RC3H2: variants seen among roughly 807,000 people sequenced by gnomAD.
RC3H2 encodes the protein ring finger and CCCH-type domains 2.
In RC3H2, 31 loss-of-function variants were observed where a neutral mutation model predicts 133.3. The observed-to-expected ratio is 0.23, with a 90% CI of 0.17 to 0.31. The LOEUF (loss-of-function observed/expected upper bound fraction) is 0.31, where lower values mean the gene tolerates loss of function less well. Ranked by LOEUF, RC3H2 falls within the 10% of genes least tolerant of loss-of-function variation. RC3H2 has a pLI of 1.00. For synonymous variants in RC3H2, 517 were observed against 502.2 expected, an observed-to-expected ratio of 1.03 and a Z score of -0.40; for missense variants, 1,175 against 1,437.2, an observed-to-expected ratio of 0.82 and a Z score of 2.95.
intron 2 of RC3H2, among the ~76,000 whole-genome samples, chr9:122,893,282 T>C (rs769578376): frequency 6.6e-6 from 1 of 152,064 alleles, no homozygotes; most frequent in African/African-American, 2.4e-5. Context: ...TAACTTAAGT[T>C]AGGAGTTTGA....
At chr9:122,859,554 T>C (rs1830380491) in intron 11 of RC3H2, among the ~76,000 whole-genome samples, 1 of 152,216 alleles carries the variant, frequency 6.6e-6, no homozygotes, top group South Asian at 2.1e-4. Context: ...GTTATATCAT[T>C]GATTTTTATT....
chr9:122,855,287 T>C lies in RC3H2; in HGVS notation c.2712A>G (p.Lys904=). ...GGGAAGATCTGGAAATCGCACCCCA[T>C]TTTGAGATGATGGGTCCATCACTAA... The part of the protein sequence containing the change: ...IPFSDGPIIS[K]WGAISRSSRT... The change falls in exon 15 of 21, where the codon AAA becomes AAG. Residue 904 remains lysine (K), a synonymous_variant. Transcript: ENST00000357244. 6.2e-7 allele frequency: 1 copy of C among 1,614,178 alleles called. No homozygotes were observed. Among genetic ancestry groups the C allele is most frequent in the Non-Finnish European group, 8.5e-7 (1 of 1,180,024 alleles).
intron 4 of RC3H2, among the ~76,000 whole-genome samples, chr9:122,889,491 G>A (rs978909668): frequency 9.9e-5 from 15 of 151,912 alleles, no homozygotes; most frequent in African/African-American, 3.6e-4. Context: ...AATTCTACCC[G>A]AACTGTAGTT....
chr9:122,859,390 C>T (rs1418127981), intron 11 of RC3H2, among the ~76,000 whole-genome samples: 1 of 151,408 alleles, frequency 6.6e-6, no homozygotes. Flanking sequence ...CACACCTGAC[C>T]ACAAACTACA....
At position 122,855,820 on chromosome 9, in the gene RC3H2, G is replaced by T; in HGVS notation, c.2513C>A (p.Pro838His). ...GGAGCCTATGGTGCCACAAGACCAG[G>T]GAGAATAATGGGAAAGATGATCTTC... ...FEEDHLSHYS[P>H]WSCGTIGSCI... The change falls in exon 14 of 21, where the codon CCC (proline) becomes CAC (histidine). Residue 838 changes from proline (P) to histidine (H), a missense_variant. Physicochemically the swap from Pro to His is moderately conservative, Grantham distance 77 (BLOSUM62 -2). This residue lies in a region of RC3H2 where 490 missense variants were observed against 492.8 expected (regional missense o/e 0.99). Transcript: ENST00000357244. The T allele has an allele frequency of 6.2e-7, 1 of 1,613,472 alleles. No homozygotes were observed. Among genetic ancestry groups the T allele is most frequent in the Non-Finnish European group, 8.5e-7 (1 of 1,179,674 alleles).
At chr9:122,901,293 T>C (rs1463322680) in intron 1 of RC3H2, among the ~76,000 whole-genome samples, 1 of 152,196 alleles carries the variant, frequency 6.6e-6, no homozygotes, top group African/African-American at 2.4e-5. Context: ...CTTCCCCGTT[T>C]AGAAAACTTA....
rs1175624356 is a variant in RC3H2, at chr9:122,867,995, C to A, written c.1326-2338G>T. On this transcript the variant is annotated intron_variant, in intron 9 of 20. Transcript: ENST00000357244. ...CGCCCCGTCCGGGAGGTGAGGGGCG[C>A]CTCTGCCCAGCCACCCCTACTGGGA... Among the ~76,000 whole-genome samples the A allele has an allele frequency of 1.2e-4, 11 of 92,526 alleles. 1 individual carries two copies. The highest frequency in any genetic ancestry group is 2.5e-4 in the Non-Finnish European group (11 of 43,500). 60.7% of individuals were successfully genotyped at this position (92,526 alleles called of 152,430 possible).
chr9:122,850,673 G>GTTCT (rs1198652918), intron 20 of RC3H2, among the ~76,000 whole-genome samples: 3 of 150,724 alleles, frequency 2.0e-5, no homozygotes, highest in Admixed American at 2.0e-4. Flanking sequence ...TGAACTCCTT[G>GTTCT]TGATCCACCC....
At chr9:122,870,291 C>G (rs544829615) in intron 9 of RC3H2, among the ~76,000 whole-genome samples, 2 of 151,930 alleles carry the variant, frequency 1.3e-5, no homozygotes, top group East Asian at 3.9e-4. Flanking sequence ...AGGAGAATTG[C>G]TTGAGCCTGG....
At chr9:122,851,658 G>C in intron 18 of RC3H2, 2 of 525,284 alleles carry the variant, frequency 3.8e-6, no homozygotes, top group Non-Finnish European at 6.5e-6. Context: ...CGCCACGCCT[G>C]ACTGGTTTTC....
chr9:122,900,079 C>G (rs1466147231), intron 1 of RC3H2, among the ~76,000 whole-genome samples: 4 of 152,158 alleles, frequency 2.6e-5, no homozygotes, highest in Non-Finnish European at 5.9e-5. Flanking sequence ...TATACCAGAG[C>G]ACACTTAATA....
chr9:122,903,534 G>A (rs375958717), intron 1 of RC3H2, among the ~76,000 whole-genome samples: 3 of 152,300 alleles, frequency 2.0e-5, no homozygotes, highest in Non-Finnish European at 2.9e-5. Flanking sequence ...AACAAAGGAC[G>A]TAAGTCTTCT....
In RC3H2 at chr9:122,877,574, T is replaced by C. The variant is rs1255419457; in HGVS notation, c.1222A>G (p.Asn408Asp). ...KGHETPQPQPNSKYKTSMCRD... is the reference protein window; with the variant it reads ...KGHETPQPQPDSKYKTSMCRD... ...CACATGCTAGTCTTGTATTTGCTGT[T>C]TGGCTGAGGCTACAAAAATGGGAAC... is the stretch of plus-strand genomic sequence containing the variant. Residue 408 changes from asparagine to aspartate, a missense_variant, in exon 9 of 21, where the codon AAC (asparagine) becomes GAC (aspartate). By Grantham distance (23) the Asn-to-Asp change is conservative. Around this residue, in one of 8 missense-constraint regions of RC3H2, gnomAD observed 131 missense variants for 154.2 expected, o/e 0.85. Coordinates refer to ENST00000357244, the MANE Select transcript of RC3H2 (RefSeq NM_001100588.3). 1.9e-6 allele frequency: 3 copies of C among 1,614,028 alleles called. No individual in the cohort carries two copies. The highest frequency in any genetic ancestry group is 1.7e-6 in the Non-Finnish European group (2 of 1,179,902).
At chr9:122,873,771 A>G (rs1831209565) in intron 9 of RC3H2, 2 of 152,148 alleles carry the variant, frequency 1.3e-5, no homozygotes, top group African/African-American at 2.4e-5. Context: ...TAAATAAACA[A>G]TTATAATACT....
chr9:122,902,848 CAAAA>C (rs56346835), intron 1 of RC3H2, among the ~76,000 whole-genome samples: 3 of 84,534 alleles, frequency 3.5e-5, no homozygotes, highest in African/African-American at 8.2e-5. Flanking sequence ...GAGACTGTCT[CAAAA>C]AAAAAAAAAA....
In RC3H2 at chr9:122,904,566, C is replaced by G. The variant is rs180979761; in HGVS notation, c.-68+544G>C. 2.6e-5 allele frequency among the ~76,000 whole-genome samples: 4 copies of G among 152,334 alleles called. No homozygotes were observed. The East Asian group carries it at 7.7e-4, about 29-fold the overall frequency. On this transcript the variant is annotated intron_variant, in intron 1 of 20. Coordinates refer to ENST00000357244, the MANE Select transcript of RC3H2 (RefSeq NM_001100588.3). ...CAGAATTTCCTGGCTGTGTTTCATG[C>G]CATTGCTCCTAGCCACAACCCCTGT... is the stretch of plus-strand genomic sequence containing the variant.
chr9:122,887,741 CTTTTTTTTT>C lies in RC3H2; in HGVS notation c.583+2562_583+2570del, dbSNP rs112010654. On this transcript the variant is annotated intron_variant, in intron 4 of 20. Transcript: ENST00000357244. ...TAAATCTTTGATTTTATACTTGTAT[CTTTTTTTTT>C]TTTTTTTTTTTTGAGATGGAGTTTT... 1.2e-4 allele frequency among the ~76,000 whole-genome samples: 14 copies of C among 118,076 alleles called. No homozygotes were observed. The East Asian group carries it at 4.0e-3, about 34-fold the overall frequency. 77.5% of individuals were successfully genotyped at this position (118,076 alleles called of 152,430 possible).
At chr9:122,901,073 T>C (rs1349378172) in intron 1 of RC3H2, among the ~76,000 whole-genome samples, 1 of 152,222 alleles carries the variant, frequency 6.6e-6, no homozygotes, top group Non-Finnish European at 1.5e-5. Context: ...TCCACCATAT[T>C]ATGCAGCCAG....
intron 20 of RC3H2, 130 bp from the exon 21 acceptor site, chr9:122,849,952 G>T: frequency 4.0e-6 from 2 of 495,172 alleles, no homozygotes; most frequent in Non-Finnish European, 6.8e-6. Flanking sequence ...TTTATCACTA[G>T]AAGTATCAGA....
Sources: allele counts gnomAD v4.1 joint callset (sites outside exome capture counted in the v4.1 genomes callset), GRCh38; gene constraint gnomAD v4.1.1; regional missense constraint gnomAD v4.1.1; transcripts MANE v1.5; gene names NCBI Gene and HGNC (gene_info 2026-07-23, HGNC 2026-07-21).